The following CPM variants were observed in gnomAD, a reference collection of about 807,000 sequenced individuals.
The protein encoded by CPM is renal carboxypeptidase.
A neutral mutation model predicts 46.4 loss-of-function variants in CPM; 35 were observed. The ratio of observed to expected loss-of-function variants is 0.75; its 90% CI spans 0.58 to 1.00. The LOEUF (loss-of-function observed/expected upper bound fraction) is 1.00, where lower values mean the gene tolerates loss of function less well. Among genes scored for constraint, CPM ranks in the 50% least tolerant of loss-of-function variants. The pLI is 0.00. For synonymous variants in CPM, 195 were observed against 195.3 expected (o/e 1.00, Z 0.01); for missense variants, 422 against 530.4 (o/e 0.80, Z 2.01).
At chr12:68,864,355 T>A (rs990369278) in intron 7 of CPM, among the ~76,000 whole-genome samples, 1 of 151,912 alleles carries the variant, frequency 6.6e-6, no homozygotes, top group Non-Finnish European at 1.5e-5. Flanking sequence ...AGTGGGAGAA[T>A]CACATGAACC....
chr12:68,915,697 G>A (rs1433536344), intron 2 of CPM, among the ~76,000 whole-genome samples: 8 of 152,214 alleles, frequency 5.3e-5, no homozygotes, highest in Non-Finnish European at 1.0e-4. Context: ...AAAGACCTGG[G>A]TCTGTTCTTC....
chr12:68,948,450 A>C (rs1888882170), intron 1 of CPM, among the ~76,000 whole-genome samples: 1 of 152,076 alleles, frequency 6.6e-6, no homozygotes, highest in Non-Finnish European at 1.5e-5. Context: ...TGATCAGCCC[A>C]TCAGATTATG....
chr12:68,962,451 A>G (rs1889138818), intron 1 of CPM, among the ~76,000 whole-genome samples: 1 of 152,110 alleles, frequency 6.6e-6, no homozygotes. Flanking sequence ...AGCCATAGAA[A>G]CTAGAATCCC....
intron 1 of CPM, among the ~76,000 whole-genome samples, chr12:68,939,687 A>G (rs1565807214): frequency 6.6e-6 from 1 of 152,132 alleles, no homozygotes; most frequent in Admixed American, 6.5e-5. Context: ...AATGCCTAAC[A>G]TGAAAACAAA....
At chr12:68,923,160 AGT>A (rs869087872) in intron 2 of CPM, among the ~76,000 whole-genome samples, 4,028 of 45,226 alleles carry the variant, frequency 0.089, 69 homozygotes, top group East Asian at 0.24. Context: ...TTTGATATAG[AGT>A]GTGTGTGTGT....
Position 68,870,201 on chromosome 12 carries a change from C to T in CPM, c.616+14G>A, listed in dbSNP as rs755927932. The T allele has an allele frequency of 6.2e-7, 1 of 1,608,956 alleles. No homozygotes were observed. Among genetic ancestry groups the T allele is most frequent in the South Asian group, 1.1e-5 (1 of 90,286 alleles). ...TGGACTTAAGAAGCCAGAACTGGAC[C>T]CGCACCTGCTTACCTTGAACACCAT... On this transcript the variant is annotated intron_variant, in intron 5 of 8. Transcript: ENST00000551568.
intron 2 of CPM, among the ~76,000 whole-genome samples, chr12:68,891,235 G>A (rs996383075): frequency 9.2e-5 from 14 of 152,178 alleles, no homozygotes; most frequent in South Asian, 2.1e-4. Flanking sequence ...CATATGGCAC[G>A]CAAAGCCCAC....
At chr12:68,933,910 C>CA (rs1271272001), upstream of CPM, among the ~76,000 whole-genome samples, 1 of 152,194 alleles carries the variant, frequency 6.6e-6, no homozygotes, top group Non-Finnish European at 1.5e-5. Flanking sequence ...GCTTCCTCCA[C>CA]CTGCACCTGA....
At chr12:68,909,607 C>T (rs890487542) in intron 2 of CPM, among the ~76,000 whole-genome samples, 4 of 151,966 alleles carry the variant, frequency 2.6e-5, no homozygotes, top group Admixed American at 6.6e-5. Flanking sequence ...CAATGATAGA[C>T]TGGATTAAGA....
At chr12:68,842,707 ATT>A (rs1163286012) in intron 5 of CPM, 5 of 195,936 alleles carry the variant, frequency 2.6e-5, no homozygotes, top group African/African-American at 1.2e-4. Context: ...ATAAAGTAAA[ATT>A]TTCTTTGCAG....
chr12:68,857,609 T>G (rs1001479488), intron 8 of CPM, among the ~76,000 whole-genome samples: 1 of 152,200 alleles, frequency 6.6e-6, no homozygotes, highest in African/African-American at 2.4e-5. Flanking sequence ...AGAAATGCTT[T>G]TATTATATAT....
chr12:68,959,356 A>G (rs2136340102), intron 1 of CPM, among the ~76,000 whole-genome samples: 1 of 152,332 alleles, frequency 6.6e-6, no homozygotes, highest in East Asian at 1.9e-4. Context: ...CTAATAAGAC[A>G]TTTCAACTTT....
At chr12:68,870,945 G>A (rs1400721146) in intron 4 of CPM, among the ~76,000 whole-genome samples, 1 of 152,144 alleles carries the variant, frequency 6.6e-6, no homozygotes, top group Non-Finnish European at 1.5e-5. Flanking sequence ...TTACACAGAA[G>A]TACTTGTGAA....
intron 2 of CPM, among the ~76,000 whole-genome samples, chr12:68,923,259 C>A (rs1449780775): frequency 7.8e-6 from 1 of 128,092 alleles, no homozygotes; most frequent in Non-Finnish European, 1.7e-5. Context: ...TTTTTTTTTA[C>A]ATCTTACTTT....
chr12:68,912,299 C>T (rs1321830368), intron 2 of CPM, among the ~76,000 whole-genome samples: 3 of 152,182 alleles, frequency 2.0e-5, no homozygotes, highest in Non-Finnish European at 4.4e-5. Flanking sequence ...GCCACCATGC[C>T]TGCCTGTATC....
chr12:68,882,031 T>TG (rs1886214799), intron 3 of CPM, among the ~76,000 whole-genome samples: 4 of 151,270 alleles, frequency 2.6e-5, no homozygotes, highest in South Asian at 4.2e-4. Context: ...CTGCTTTTTT[T>TG]TTTTTTTTTT....
intron 2 of CPM, among the ~76,000 whole-genome samples, chr12:68,896,994 C>T (rs926462083): frequency 6.6e-6 from 1 of 151,856 alleles, no homozygotes; most frequent in Non-Finnish European, 1.5e-5. Context: ...AGTCAAGACT[C>T]CCAGAGAAAC....
chr12:68,916,130 G>A (rs974772159), intron 2 of CPM, among the ~76,000 whole-genome samples: 5 of 152,158 alleles, frequency 3.3e-5, no homozygotes, highest in African/African-American at 4.8e-5. Flanking sequence ...ATAAGTGGTT[G>A]TAATTCATAA....
intron 2 of CPM, among the ~76,000 whole-genome samples, chr12:68,925,561 CAG>C (rs763277645): frequency 6.6e-6 from 1 of 152,126 alleles, no homozygotes; most frequent in African/African-American, 2.4e-5. Context: ...GGACACAAAA[CAG>C]AAATTAAAAA....
Sources: allele counts gnomAD v4.1 joint callset (sites outside exome capture counted in the v4.1 genomes callset), GRCh38; gene constraint gnomAD v4.1.1; transcripts MANE v1.5; gene names NCBI Gene and HGNC (gene_info 2026-07-23, HGNC 2026-07-21).